The following LRRK1 variants were observed in gnomAD, a reference collection of about 807,000 sequenced individuals.
LRRK1 encodes leucine rich repeat kinase 1.
Under a neutral mutation model 209.1 loss-of-function variants are expected in LRRK1, and 113 were observed. The ratio of observed to expected loss-of-function variants is 0.54; its 90% CI spans 0.46 to 0.63. The LOEUF (loss-of-function observed/expected upper bound fraction) is 0.63. LRRK1 is among the 30% of genes least tolerant of loss of function. The pLI, the probability that LRRK1 is intolerant of heterozygous loss-of-function variation, is 0.00. For synonymous variants in LRRK1, 1,144 were observed against 1,099.7 expected (o/e 1.04, Z -0.80); for missense variants, 2,284 against 2,632.2 (o/e 0.87, Z 2.89).
rs1283599368 is a variant in LRRK1, at chr15:101,075,413, A to ATC, written c.*6566_*6567dup. ...AGCCTCCTTTGTGTCCTCCTCTTGT[A>ATC]TCCCCCGACCTTAACCCATAAGTAT... is the stretch of plus-strand genomic sequence containing the variant. On this transcript the variant is annotated 3_prime_UTR_variant, in exon 34 of 34. Coordinates refer to ENST00000388948, the MANE Select transcript of LRRK1 (RefSeq NM_024652.6). The ATC allele has an allele frequency of 4.1e-5, 5 of 121,272 alleles. No individual in the cohort carries two copies. Among genetic ancestry groups the ATC allele is most frequent in the African/African-American group, 1.9e-4 (5 of 26,292 alleles). 7.5% of individuals were successfully genotyped at this position (121,272 alleles called of 1,614,324 possible).
At chr15:101,021,632 C>A (rs1025961005) in intron 13 of LRRK1, 15 of 551,678 alleles carry the variant, frequency 2.7e-5, no homozygotes, top group African/African-American at 1.5e-4. Context: ...CAATTCTAAG[C>A]CGTGGGGATT....
intron 6 of LRRK1, among the ~76,000 whole-genome samples, chr15:100,990,070 TCA>T (rs2032078405): frequency 6.6e-6 from 1 of 152,236 alleles, no homozygotes; most frequent in Admixed American, 6.5e-5. Context: ...AGGGATCTTT[TCA>T]CATCCTTCCA....
chr15:101,049,550 C>G, intron 22 of LRRK1, 94 bp from the exon 23 acceptor site: 1 of 1,445,550 alleles, frequency 6.9e-7, no homozygotes, highest in South Asian at 1.3e-5. Flanking sequence ...TCCAGGTCCC[C>G]GGGGGTTGGT....
intron 6 of LRRK1, among the ~76,000 whole-genome samples, chr15:100,999,398 A>G (rs916530084): frequency 6.6e-6 from 1 of 152,216 alleles, no homozygotes; most frequent in Non-Finnish European, 1.5e-5. Context: ...CCTTTCTCTG[A>G]TAGGGTGTGC....
intron 33 of LRRK1, among the ~76,000 whole-genome samples, chr15:101,066,949 G>A (rs1161634123): frequency 1.3e-5 from 2 of 152,182 alleles, no homozygotes; most frequent in Non-Finnish European, 1.5e-5. Context: ...GCCTGTTTCT[G>A]GAGTACCCAG....
rs991233778 is a variant in LRRK1 at position 101,077,366 on chromosome 15, C to T, written c.*8518C>T. ...CTCTTGTTTACACTGCCAGTTTACA[C>T]TGTTTCTCCAAGCCATCACAGCTGA... On this transcript the variant is annotated 3_prime_UTR_variant, in exon 34 of 34. Coordinates refer to ENST00000388948, the MANE Select transcript of LRRK1 (RefSeq NM_024652.6). 1 of 152,346 alleles carries T rather than the reference C, an allele frequency of 6.6e-6. No homozygotes were observed. The highest frequency in any genetic ancestry group is 2.1e-4 in the South Asian group (1 of 4,830). The allele number at this position is 152,346 out of a possible 1,614,324, so 9.4% of individuals were successfully genotyped here.
At chr15:100,987,078 T>C (rs182006513) in intron 4 of LRRK1, among the ~76,000 whole-genome samples, 10 of 152,286 alleles carry the variant, frequency 6.6e-5, no homozygotes. Context: ...AGGGGTCACT[T>C]ATTTTCTGTT....
chr15:101,002,978 T>G lies in LRRK1; in HGVS notation c.763-5859T>G, dbSNP rs545294120. On this transcript the variant is annotated intron_variant, in intron 6 of 33. Coordinates refer to ENST00000388948, the MANE Select transcript of LRRK1 (RefSeq NM_024652.6). ...AGCTCCTGGCTTCAAGTGATCCACCTGCCTTGGCCTCCCAAAGTTCTGGGA... is the reference window on the plus strand; with the variant it reads ...AGCTCCTGGCTTCAAGTGATCCACCGGCCTTGGCCTCCCAAAGTTCTGGGA... Among the ~76,000 whole-genome samples the G allele has an allele frequency of 1.4e-4, 22 of 152,340 alleles. 1 individual carries two copies. In the South Asian group the frequency reaches 4.3e-3, roughly 30 times the overall value.
chr15:100,999,203 A>G (rs2032572850), intron 6 of LRRK1, among the ~76,000 whole-genome samples: 1 of 152,252 alleles, frequency 6.6e-6, no homozygotes, highest in Admixed American at 6.5e-5. Context: ...TAGTGACAGG[A>G]GATTTCTTGT....
intron 2 of LRRK1, among the ~76,000 whole-genome samples, chr15:100,937,782 G>A (rs904159871): frequency 2.0e-5 from 3 of 151,936 alleles, no homozygotes; most frequent in Admixed American, 1.3e-4. Flanking sequence ...TGATCCGCCC[G>A]TCTCGGCCTC....
chr15:101,066,226 G>A (rs1368370064), intron 32 of LRRK1, 21 bp downstream of exon 32: 2 of 1,584,464 alleles, frequency 1.3e-6, no homozygotes, highest in African/African-American at 1.3e-5. Flanking sequence ...CGAGGTGAGG[G>A]CACCATCCAG....
rs2141712893 is a variant in LRRK1 at position 101,024,070 on chromosome 15, C to T, written c.2068-733C>T. On this transcript the variant is annotated intron_variant, in intron 15 of 33. Coordinates refer to ENST00000388948, the MANE Select transcript of LRRK1 (RefSeq NM_024652.6). The surrounding 1 kb of genome is among the most constrained non-coding windows in gnomAD (Gnocchi z 4.6). ...TTCCTTTCTGCGATGATTAAAACCC[C>T]CTACCCTTTAGTGGAAGGACAATCC... 6.6e-6 allele frequency among the ~76,000 whole-genome samples: 1 copy of T among 152,294 alleles called. No individual in the cohort carries two copies. The highest frequency in any genetic ancestry group is 2.4e-5 in the African/African-American group (1 of 41,570).
rs3752320 is a variant in LRRK1 at position 101,065,253 on chromosome 15, C to T, written c.4915-99C>T. On this transcript the variant is annotated intron_variant, in intron 31 of 33. Transcript: ENST00000388948. ...GGCGCACTGGTGGAAAGTGACTGCC[C>T]GCCTGGTGTGGGTGCAGATGAGTCC... The T allele has an allele frequency of 1.0e-4, 145 of 1,443,528 alleles. No individual in the cohort carries two copies. The East Asian group carries it at 1.9e-3, about 19-fold the overall frequency. The allele number at this position is 1,443,528 out of a possible 1,614,324, so 89.4% of individuals were successfully genotyped here. A position where few individuals can be genotyped will look rare whatever the true frequency, so the allele number is the denominator to read the frequency against.
intron 2 of LRRK1, among the ~76,000 whole-genome samples, chr15:100,955,031 T>C (rs1483788295): frequency 5.9e-5 from 9 of 152,190 alleles, no homozygotes; most frequent in Non-Finnish European, 1.3e-4. Context: ...TTTTTTTCTA[T>C]TTTTGTGAAA....
chr15:100,958,867 G>C (rs578161163), intron 2 of LRRK1, among the ~76,000 whole-genome samples: 8 of 152,256 alleles, frequency 5.3e-5, no homozygotes, highest in African/African-American at 1.4e-4. Context: ...TCTCTCCCGG[G>C]CTCTCTGTGC....
chr15:100,927,864 T>C (rs1019693451), intron 2 of LRRK1, among the ~76,000 whole-genome samples: 8 of 152,364 alleles, frequency 5.3e-5, no homozygotes, highest in South Asian at 2.1e-4. Flanking sequence ...ACAGAAGTTA[T>C]TAATTCCAGG....
rs1555484596 is a variant in LRRK1 at position 101,070,334 on chromosome 15, T to TA, written c.*1487dup. ...TTTTTTTTTTTTTTTTTTTTTTTTT[T>TA]ACCAACCTGGGCACCAAGTCCCAGG... On this transcript the variant is annotated 3_prime_UTR_variant, in exon 34 of 34. Coordinates refer to ENST00000388948, the MANE Select transcript of LRRK1 (RefSeq NM_024652.6). 5.0e-5 allele frequency: 7 copies of TA among 138,992 alleles called. No individual in the cohort carries two copies. Among genetic ancestry groups the TA allele is most frequent in the East Asian group, 2.0e-4 (1 of 5,006 alleles). 8.6% of individuals were successfully genotyped at this position (138,992 alleles called of 1,614,324 possible).
In LRRK1 at chr15:101,024,720, A is replaced by C; in HGVS notation, c.2068-83A>C. 2.8e-6 allele frequency: 4 copies of C among 1,437,614 alleles called. No individual in the cohort carries two copies. Among genetic ancestry groups the C allele is most frequent in the Non-Finnish European group, 3.8e-6 (4 of 1,045,118 alleles). 89.1% of individuals were successfully genotyped at this position (1,437,614 alleles called of 1,614,324 possible). A position where few individuals can be genotyped will look rare whatever the true frequency, so the allele number is the denominator to read the frequency against. Reference sequence around the variant, plus strand: ...TTTCAGACCCCCGAGTCCAGCCTCCAGAGTTATCCGTTGTCTCCGTTTGAT... The same window carrying C: ...TTTCAGACCCCCGAGTCCAGCCTCCCGAGTTATCCGTTGTCTCCGTTTGAT... On this transcript the variant is annotated intron_variant, in intron 15 of 33. Coordinates refer to ENST00000388948, the MANE Select transcript of LRRK1 (RefSeq NM_024652.6). The surrounding 1 kb of genome is among the most constrained non-coding windows in gnomAD (Gnocchi z 4.6).
intron 6 of LRRK1, 39 bp from the exon 7 acceptor site, chr15:101,008,798 C>T: frequency 6.7e-7 from 1 of 1,490,790 alleles, no homozygotes; most frequent in Non-Finnish European, 9.4e-7. Flanking sequence ...GCCCTGAACT[C>T]ACCCTCCACA....
Sources: gnomAD v4.1 joint callset for allele counts (sites outside exome capture counted in the v4.1 genomes callset) on GRCh38, gnomAD v4.1.1 for gene constraint, Gnocchi (gnomAD v3.1) non-coding constraint, MANE v1.5 for transcripts, NCBI Gene and HGNC (gene_info 2026-07-23, HGNC 2026-07-21) for gene names.